Variants in DCAF8L2 observed in about 807,000 individuals in gnomAD.
DCAF8L2 encodes DDB1 and CUL4 associated factor 8 like 2.
For synonymous variants in DCAF8L2, 200 were observed against 190.9 expected (o/e 1.05, Z -0.39); for missense variants, 430 against 490.7 (o/e 0.88, Z 1.17).
At chrX:27,610,943 GT>G (rs1244783938) in intron 1 of DCAF8L2, among the ~76,000 whole-genome samples, 1 of 112,157 alleles carries the variant, frequency 8.9e-6, no homozygotes, top group Non-Finnish European at 1.9e-5. Context: ...TGGAAAAGGT[GT>G]TCTTTCTTTT....
chrX:27,591,801 G>T (rs1486157106), intron 1 of DCAF8L2, among the ~76,000 whole-genome samples: 1 of 111,929 alleles, frequency 8.9e-6, no homozygotes, highest in Non-Finnish European at 1.9e-5. Flanking sequence ...TTTTAACTAT[G>T]TCTGACTGAA....
Position 27,637,801 on chromosome X carries a change from A to T in DCAF8L2, c.-220+5801A>T, listed in dbSNP as rs754084847. ...TTTGTTCTCAACTTTCTAGCAGCCAACCTGCAAAGAGGAAGTAGTCGTTTC... is the reference window on the plus strand; with the variant it reads ...TTTGTTCTCAACTTTCTAGCAGCCATCCTGCAAAGAGGAAGTAGTCGTTTC... On this transcript the variant is annotated intron_variant, in intron 2 of 4. Transcript: ENST00000451261. Among the ~76,000 whole-genome samples, 14 of 112,320 alleles carry T rather than the reference A, an allele frequency of 1.2e-4. No homozygotes were observed. In the East Asian group the frequency reaches 3.9e-3, roughly 32 times the overall value.
intron 1 of DCAF8L2, among the ~76,000 whole-genome samples, chrX:27,623,711 T>C (rs1346808902): frequency 3.6e-5 from 4 of 111,460 alleles, no homozygotes; most frequent in South Asian, 7.5e-4. Context: ...CATGATTAAT[T>C]AGACACCATT....
intron 3 of DCAF8L2, among the ~76,000 whole-genome samples, chrX:27,696,292 AAG>A (rs1398022340): frequency 1.4e-5 from 1 of 72,787 alleles, no homozygotes; most frequent in African/African-American, 6.1e-5. Context: ...GAAAGAAAGA[AAG>A]AAAGAAAGAA....
chrX:27,549,596 G>A, the DCAF8L2 span, among the ~76,000 whole-genome samples: 1 of 107,222 alleles, frequency 9.3e-6, no homozygotes, highest in African/African-American at 3.4e-5. Context: ...CAACCTTAAT[G>A]AATAAGAGAA....
At chrX:27,576,873 CTATTA>C in the DCAF8L2 span, among the ~76,000 whole-genome samples, 8 of 111,740 alleles carry the variant, frequency 7.2e-5, no homozygotes, top group Non-Finnish European at 1.1e-4. Flanking sequence ...CTCAAACTAT[CTATTA>C]TATCTCAACT....
Position 27,720,369 on chromosome X carries a change from A to AT in DCAF8L2, c.-59+4200dup, listed in dbSNP as rs201470053. Among the ~76,000 whole-genome samples, 148 of 106,432 alleles carry AT rather than the reference A, an allele frequency of 1.4e-3. 1 individual carries two copies. Among genetic ancestry groups the AT allele is most frequent in the African/African-American group, 4.0e-3 (108 of 26,692 alleles). 92.4% of individuals were successfully genotyped at this position (106,432 alleles called of 115,157 possible). ...ATTTCAGCTATTGTAGATTATTATTATTATTATTTTTTTTTGAGACGGAGT... is the reference window on the plus strand; with the variant it reads ...ATTTCAGCTATTGTAGATTATTATTATTTATTATTTTTTTTTGAGACGGAGT... On this transcript the variant is annotated intron_variant, in intron 4 of 4. Transcript: ENST00000451261.
chrX:27,564,798 G>A, the DCAF8L2 span, among the ~76,000 whole-genome samples: 1 of 109,756 alleles, frequency 9.1e-6, no homozygotes, highest in Non-Finnish European at 1.9e-5. Context: ...TTTGGGCCAT[G>A]CTTCCTTTAA....
chrX:27,482,094 C>G, the DCAF8L2 span, among the ~76,000 whole-genome samples: 3 of 111,532 alleles, frequency 2.7e-5, no homozygotes, highest in African/African-American at 9.8e-5. Context: ...TTCCCACATT[C>G]CTTCACATTT....
chrX:27,694,479 G>A (rs183829304), intron 3 of DCAF8L2, among the ~76,000 whole-genome samples: 1 of 109,990 alleles, frequency 9.1e-6, no homozygotes, highest in Non-Finnish European at 1.9e-5. Context: ...TGATCTTGTT[G>A]GTAGGTAATT....
chrX:27,512,737 G>A, the DCAF8L2 span, among the ~76,000 whole-genome samples: 3 of 65,955 alleles, frequency 4.5e-5, no homozygotes, highest in Non-Finnish European at 8.0e-5. Context: ...TAAAATTCAT[G>A]TGTAAATGCA....
the DCAF8L2 span, among the ~76,000 whole-genome samples, chrX:27,523,560 G>A: frequency 9.1e-6 from 1 of 109,725 alleles, no homozygotes; most frequent in African/African-American, 3.3e-5. Flanking sequence ...AATAATTAAA[G>A]CAATATAATT....
intron 2 of DCAF8L2, among the ~76,000 whole-genome samples, chrX:27,660,173 C>T (rs755873566): frequency 1.8e-5 from 2 of 111,010 alleles, no homozygotes; most frequent in African/African-American, 6.6e-5. Context: ...CAGGCACCCA[C>T]CATCACGCCC....
intron 2 of DCAF8L2, among the ~76,000 whole-genome samples, chrX:27,647,591 A>G (rs1448822354): frequency 1.8e-5 from 2 of 111,975 alleles, no homozygotes; most frequent in Non-Finnish European, 3.8e-5. Context: ...AAATTAAAAA[A>G]TTAGAAAAAT....
the DCAF8L2 span, among the ~76,000 whole-genome samples, chrX:27,566,770 C>T: frequency 9.1e-6 from 1 of 109,785 alleles, no homozygotes; most frequent in African/African-American, 3.3e-5. Flanking sequence ...TAACTTTGGA[C>T]TTAGGTTGTT....
At chrX:27,673,623 T>C (rs987973312) in intron 2 of DCAF8L2, among the ~76,000 whole-genome samples, 4 of 109,026 alleles carry the variant, frequency 3.7e-5, no homozygotes, top group Admixed American at 1.0e-4. Context: ...AGCTACCTTA[T>C]ATATACATAT....
rs45553337 is a variant in DCAF8L2 at position 27,748,659 on chromosome X, G to T, written c.1764G>T (p.Thr588=). 2.7e-5 allele frequency: 32 copies of T among 1,194,485 alleles called. No homozygotes were observed. In the African/African-American group the frequency reaches 5.6e-4, roughly 21 times the overall value. ...YMLWFLLRHV[T]QRGRHQDWRS... ...TTTGGTTCCTCCTGCGTCACGTGAC[G>T]CAGAGAGGTCGTCACCAGGACTGGA... is the stretch of plus-strand genomic sequence containing the variant. The change falls in exon 5 of 5, where the codon ACG becomes ACT. Residue 588 remains threonine, a synonymous_variant. Coordinates refer to ENST00000451261, the MANE Select transcript of DCAF8L2 (RefSeq NM_001353450.2).
intron 3 of DCAF8L2, among the ~76,000 whole-genome samples, chrX:27,687,736 C>T (rs1393823900): frequency 1.8e-5 from 2 of 111,332 alleles, no homozygotes; most frequent in Non-Finnish European, 3.8e-5. Context: ...TGTGTGTAGT[C>T]ACAGCTACTT....
rs774400124 is a variant in DCAF8L2 at position 27,748,803 on chromosome X, C to T, written c.*12C>T. ...GCATGCCATCCTGAAGGCCTCATATCCAGTCCAGCTACATGCCACCTAAGT... is the reference window on the plus strand; with the variant it reads ...GCATGCCATCCTGAAGGCCTCATATTCAGTCCAGCTACATGCCACCTAAGT... On this transcript the variant is annotated 3_prime_UTR_variant, in exon 5 of 5. Transcript: ENST00000451261. 1 of 1,182,699 alleles carries T rather than the reference C, an allele frequency of 8.5e-7. No individual in the cohort carries two copies. The highest frequency in any genetic ancestry group is 1.9e-5 in the South Asian group (1 of 52,702).
Sources: allele counts gnomAD v4.1 joint callset (sites outside exome capture counted in the v4.1 genomes callset), GRCh38; gene constraint gnomAD v4.1.1; transcripts MANE v1.5; gene names NCBI Gene and HGNC (gene_info 2026-07-23, HGNC 2026-07-21).